The following CLPX variants were observed in gnomAD, a reference collection of about 807,000 sequenced individuals.
CLPX encodes the protein ATP-dependent clpX-like chaperone, mitochondrial.
Under a neutral mutation model 76.4 loss-of-function variants are expected in CLPX, and 34 were observed. The observed-to-expected ratio is 0.45, with a 90% CI of 0.34 to 0.59. CLPX has a LOEUF of 0.59. CLPX is among the 20% of genes least tolerant of loss of function. The pLI is 0.01. For synonymous variants in CLPX, 248 were observed against 270.9 expected (o/e 0.92, Z 0.83); for missense variants, 613 against 757.0 (o/e 0.81, Z 2.23).
chr15:65,163,681 T>G (rs2087877814), intron 5 of CLPX, among the ~76,000 whole-genome samples: 3 of 151,946 alleles, frequency 2.0e-5, no homozygotes. Context: ...AGAGACGGAG[T>G]TTCCCATGCT....
At chr15:65,157,301 C>T (rs890057305) in intron 8 of CLPX, among the ~76,000 whole-genome samples, 2 of 152,140 alleles carry the variant, frequency 1.3e-5, no homozygotes, top group Non-Finnish European at 2.9e-5. Context: ...GAAATTTGAA[C>T]AGGAAGCTGT....
intron 12 of CLPX, among the ~76,000 whole-genome samples, chr15:65,153,187 C>A (rs58733904): frequency 2.0e-5 from 3 of 150,322 alleles, no homozygotes; most frequent in Non-Finnish European, 4.4e-5. Flanking sequence ...TGGTGGCTCA[C>A]GCCTGTAATC....
chr15:65,170,461 C>T (rs1436109272), intron 3 of CLPX, among the ~76,000 whole-genome samples: 1 of 151,972 alleles, frequency 6.6e-6, no homozygotes, highest in East Asian at 1.9e-4. Flanking sequence ...GTAGACAATT[C>T]CATATTAAAA....
At chr15:65,170,448 A>T (rs1422402657) in intron 3 of CLPX, among the ~76,000 whole-genome samples, 3 of 152,120 alleles carry the variant, frequency 2.0e-5, no homozygotes. Flanking sequence ...CTAAATGAAA[A>T]AAGTAGACAA....
intron 7 of CLPX, chr15:65,158,183 CAACT>C: frequency 9.2e-6 from 3 of 327,504 alleles, no homozygotes; most frequent in Non-Finnish European, 1.7e-5. Flanking sequence ...CTACCACGCC[CAACT>C]AATACTTTAT....
Position 65,180,064 on chromosome 15 carries a change from C to A in CLPX, c.220G>T (p.Gly74Cys). 1 of 1,606,646 alleles carries A rather than the reference C, an allele frequency of 6.2e-7. No homozygotes were observed. The highest frequency in any genetic ancestry group is 1.7e-5 in the Admixed American group (1 of 59,178). The change falls in exon 2 of 14, where the codon GGT (glycine) becomes TGT (cysteine). Residue 74 changes from glycine (G) to cysteine (C), a missense_variant. By Grantham distance (159) the Gly-to-Cys change is radical. Transcript: ENST00000300107. ...ATTACCTTATTTCCATCTCCAGAAC[C>A]ATCTTTACTTATCCCATCTTTTGAG... ...FASKDGISKD[G>C]SGDGNKKSAS...
intron 12 of CLPX, 149 bp from the exon 13 acceptor site, chr15:65,152,685 TTATATA>T (rs1223788056): frequency 5.0e-6 from 1 of 199,012 alleles, no homozygotes; most frequent in African/African-American, 2.4e-5. Context: ...ATATATGGGA[TTATATA>T]TATAAACATA....
chr15:65,166,504 G>T, intron 4 of CLPX, 127 bp downstream of exon 4: 3 of 983,450 alleles, frequency 3.1e-6, no homozygotes, highest in South Asian at 1.5e-5. Flanking sequence ...GCCACATATG[G>T]TCCATATTAT....
In CLPX at chr15:65,154,240, A is replaced by T. The variant is rs1026574903; in HGVS notation, c.1611+542T>A. Among the ~76,000 whole-genome samples, 5 of 152,366 alleles carry T rather than the reference A, an allele frequency of 3.3e-5. No homozygotes were observed. The East Asian group carries it at 9.6e-4, about 29-fold the overall frequency. ...AGACATGAGACAGGCAGACCAATTA[A>T]GAACTAAATGCATGGGTCAAGGTGA... On this transcript the variant is annotated intron_variant, in intron 11 of 13. Coordinates refer to ENST00000300107, the MANE Select transcript of CLPX (RefSeq NM_006660.5).
chr15:65,178,897 G>T, intron 3 of CLPX, 37 bp downstream of exon 3: 3 of 1,141,120 alleles, frequency 2.6e-6, no homozygotes, highest in South Asian at 1.5e-5. Flanking sequence ...TACAGAAAAT[G>T]TAGGGAAAAA....
Position 65,158,646 on chromosome 15 carries a change from A to C in CLPX, c.821T>G (p.Val274Gly). The C allele has an allele frequency of 6.2e-7, 1 of 1,613,806 alleles. No individual in the cohort carries two copies. The highest frequency in any genetic ancestry group is 1.3e-5 in the African/African-American group (1 of 74,914). Residue 274 changes from valine to glycine, a missense_variant, in exon 7 of 14, where the codon GTA becomes GGA. Physicochemically the swap from Val to Gly is moderately radical, Grantham distance 109. This residue lies in a region of CLPX where 450 missense variants were observed against 638.6 expected (regional missense o/e 0.70). Coordinates refer to ENST00000300107, the MANE Select transcript of CLPX (RefSeq NM_006660.5). ...QIPQEKRGGEVLDSSHDDIKL... is the reference protein window; with the variant it reads ...QIPQEKRGGEGLDSSHDDIKL... ...TATGTCATCATGAGAAGAATCCAAT[A>C]CTTCACCTCCTCGTTTTTCCTGAGG...
At chr15:65,179,589 T>C (rs963790172) in intron 2 of CLPX, among the ~76,000 whole-genome samples, 4 of 152,206 alleles carry the variant, frequency 2.6e-5, no homozygotes, top group Non-Finnish European at 4.4e-5. Flanking sequence ...TCAATACAAC[T>C]ACCAACATAA....
chr15:65,162,290 T>C (rs1008506977), intron 6 of CLPX, among the ~76,000 whole-genome samples: 2 of 152,322 alleles, frequency 1.3e-5, no homozygotes, highest in South Asian at 2.1e-4. Flanking sequence ...GTGTGCTTTC[T>C]GGCAAAGAGT....
intron 6 of CLPX, among the ~76,000 whole-genome samples, chr15:65,160,695 A>G (rs2087846278): frequency 6.6e-6 from 1 of 152,046 alleles, no homozygotes; most frequent in Admixed American, 6.6e-5. Context: ...TGCAAGGGGC[A>G]TATTAATTAC....
At chr15:65,179,170 AATT>A in intron 2 of CLPX, 119 bp from the exon 3 acceptor site, 1 of 559,870 alleles carries the variant, frequency 1.8e-6, no homozygotes, top group South Asian at 2.5e-5. Flanking sequence ...TCTAGGATGA[AATT>A]ATTAGTATAT....
In CLPX at chr15:65,169,917, C is replaced by T. The variant is rs529414350; in HGVS notation, c.359-3132G>A. 1.1e-4 allele frequency among the ~76,000 whole-genome samples: 16 copies of T among 152,050 alleles called. No individual in the cohort carries two copies. In the East Asian group the frequency reaches 2.2e-3, roughly 20 times the overall value. On this transcript the variant is annotated intron_variant, in intron 3 of 13. Transcript: ENST00000300107. ...CTGGGATTACAGGCATGTGTCACCA[C>T]GCCCGGCTAATTTTGTATTTTTTAG...
chr15:65,154,892 G>T lies in CLPX; in HGVS notation c.1501C>A (p.Pro501Thr). The T allele has an allele frequency of 6.2e-7, 1 of 1,614,114 alleles. No homozygotes were observed. Among genetic ancestry groups the T allele is most frequent in the Non-Finnish European group, 8.5e-7 (1 of 1,180,022 alleles). The part of the protein sequence containing the change: ...GMIPEFVGRL[P>T]VVVPLHSLDE... The stretch of plus-strand genomic sequence containing the variant: ...AGGCTATGCAATGGAACCACCACAG[G>T]CAACCGTCCCACAAACTCAGGAATC... Residue 501 changes from proline to threonine, a missense_variant, in exon 11 of 14, where the codon CCT (proline) becomes ACT (threonine). Transcript: ENST00000300107.
chr15:65,181,198 C>CA (rs577532814), intron 1 of CLPX, among the ~76,000 whole-genome samples: 86 of 134,110 alleles, frequency 6.4e-4, no homozygotes, highest in Middle Eastern at 3.9e-3. Flanking sequence ...GACTCTGTCT[C>CA]AAAAAAAAAA....
At chr15:65,158,991 T>A (rs1486146347) in intron 6 of CLPX, among the ~76,000 whole-genome samples, 3 of 152,186 alleles carry the variant, frequency 2.0e-5, no homozygotes, top group Non-Finnish European at 4.4e-5. Context: ...TCCTTATTTA[T>A]ATAAATATGT....
Sources: gnomAD v4.1 joint callset for allele counts (sites outside exome capture counted in the v4.1 genomes callset) on GRCh38, gnomAD v4.1.1 for gene constraint, gnomAD v4.1.1 regional missense constraint, MANE v1.5 for transcripts, NCBI Gene and HGNC (gene_info 2026-07-23, HGNC 2026-07-21) for gene names.